VWA3B: variants seen among roughly 807,000 people sequenced by gnomAD.
VWA3B encodes the protein von Willebrand factor A domain-containing protein 3B.
Under a neutral mutation model 158.3 loss-of-function variants are expected in VWA3B, and 138 were observed. That is an observed-to-expected ratio of 0.87 (90% confidence interval 0.76 to 1.00). The LOEUF is 1.00. VWA3B is among the 50% of genes least tolerant of loss of function. The pLI, the probability that VWA3B is intolerant of heterozygous loss-of-function variation, is 0.00. For synonymous variants in VWA3B, 596 were observed against 587.3 expected (o/e 1.01, Z -0.21); for missense variants, 1,555 against 1,565.1 (o/e 0.99, Z 0.11).
intron 2 of VWA3B, among the ~76,000 whole-genome samples, chr2:98,094,307 C>G (rs1489761986): frequency 1.3e-5 from 2 of 152,006 alleles, no homozygotes; most frequent in African/African-American, 2.4e-5. Context: ...CAACACTTAT[C>G]TTTTTGATAT....
intron 2 of VWA3B, among the ~76,000 whole-genome samples, chr2:98,114,544 GAGGAGGCTGTTAT>G (rs1328029104): frequency 6.6e-6 from 1 of 152,210 alleles, no homozygotes; most frequent in Non-Finnish European, 1.5e-5. Context: ...TAGCTCTCCA[GAGGAGGCTGTTAT>G]CCTGCCTTCC....
intron 19 of VWA3B, among the ~76,000 whole-genome samples, chr2:98,241,096 C>T (rs1686046002): frequency 6.6e-6 from 1 of 151,992 alleles, no homozygotes; most frequent in African/African-American, 2.4e-5. Context: ...AGGAGATGTC[C>T]CTCACCTGGC....
intron 21 of VWA3B, among the ~76,000 whole-genome samples, chr2:98,259,393 G>A (rs974330052): frequency 7.9e-5 from 12 of 151,496 alleles, no homozygotes; most frequent in African/African-American, 2.4e-4. Context: ...TCCCTTTGTT[G>A]GGGGATTTTT....
chr2:98,176,679 A>G (rs531162855), intron 8 of VWA3B, among the ~76,000 whole-genome samples: 31 of 152,292 alleles, frequency 2.0e-4, no homozygotes, highest in South Asian at 4.1e-4. Context: ...AAAATGTTCT[A>G]TGCAGAAAGA....
chr2:98,250,570 G>C, intron 20 of VWA3B, 134 bp downstream of exon 20: 1 of 703,406 alleles, frequency 1.4e-6, no homozygotes, highest in Non-Finnish European at 2.3e-6. Context: ...GGCTGGGTGT[G>C]GTAGTTCATG....
intron 12 of VWA3B, among the ~76,000 whole-genome samples, chr2:98,196,467 C>T (rs1422000947): frequency 6.6e-6 from 1 of 152,076 alleles, no homozygotes; most frequent in East Asian, 1.9e-4. Flanking sequence ...CTGATTTGGT[C>T]CAGTAGTCAA....
At chr2:98,300,316 T>G in intron 25 of VWA3B, 100 bp downstream of exon 25, 4 of 1,498,160 alleles carry the variant, frequency 2.7e-6, no homozygotes, top group Non-Finnish European at 3.6e-6. Flanking sequence ...CCTGGCTGCA[T>G]CTGCTGCCCT....
downstream of VWA3B, among the ~76,000 whole-genome samples, chr2:98,313,746 C>T (rs1477619735): frequency 6.6e-6 from 1 of 152,202 alleles, no homozygotes; most frequent in Non-Finnish European, 1.5e-5. Flanking sequence ...TCTCCACTTT[C>T]TCATTGGAAC....
In VWA3B at chr2:98,298,049, T is replaced by G. The variant is rs762837906; in HGVS notation, c.3282+18T>G. ...TGCTCCAGGTACCCAGTCCCTGATG[T>G]GTTCTGGGGCCCCTTTTCACCATCC... On this transcript the variant is annotated intron_variant, in intron 24 of 27. Transcript: ENST00000477737. 1 of 1,493,588 alleles carries G rather than the reference T, an allele frequency of 6.7e-7. No individual in the cohort carries two copies. Among genetic ancestry groups the G allele is most frequent in the Middle Eastern group, 2.0e-4 (1 of 5,056 alleles). 92.5% of individuals were successfully genotyped at this position (1,493,588 alleles called of 1,614,324 possible). A position where few individuals can be genotyped will look rare whatever the true frequency, so the allele number is the denominator to read the frequency against.
rs187622442 is a variant in VWA3B at position 98,279,109 on chromosome 2, C to A, written c.3045+8226C>A. Among the ~76,000 whole-genome samples the A allele has an allele frequency of 7.9e-3, 1,195 of 152,228 alleles. 15 individuals carry two copies. Among genetic ancestry groups the A allele is most frequent in the African/African-American group, 0.027 (1,129 of 41,524 alleles). On this transcript the variant is annotated intron_variant, in intron 22 of 27. Coordinates refer to ENST00000477737, the MANE Select transcript of VWA3B (RefSeq NM_144992.5). Reference sequence around the variant, plus strand: ...AGAGGATGACAAAGAGAAAATGAAGCCCTTCATTACTGTGCCACGTTTATC... The same window carrying A: ...AGAGGATGACAAAGAGAAAATGAAGACCTTCATTACTGTGCCACGTTTATC...
At chr2:98,263,735 A>G (rs767069675) in intron 21 of VWA3B, among the ~76,000 whole-genome samples, 1 of 152,010 alleles carries the variant, frequency 6.6e-6, no homozygotes, top group Non-Finnish European at 1.5e-5. Flanking sequence ...TTATGATATC[A>G]GCGTAATTTC....
At chr2:98,301,374 C>G (rs1690180678) in intron 25 of VWA3B, among the ~76,000 whole-genome samples, 2 of 151,794 alleles carry the variant, frequency 1.3e-5, no homozygotes, top group South Asian at 4.2e-4. Flanking sequence ...GTTGTCTGAC[C>G]TGAGCAGGTT....
rs368619528 is a variant in VWA3B, at chr2:98,311,671, A to G, written c.3522-148A>G. The G allele has an allele frequency of 1.3e-5, 12 of 949,324 alleles. No homozygotes were observed. The African/African-American group carries it at 1.7e-4, about 13-fold the overall frequency. 58.8% of individuals were successfully genotyped at this position (949,324 alleles called of 1,614,324 possible). A position where few individuals can be genotyped will look rare whatever the true frequency, so the allele number is the denominator to read the frequency against. On this transcript the variant is annotated intron_variant, in intron 26 of 27. Coordinates refer to ENST00000477737, the MANE Select transcript of VWA3B (RefSeq NM_144992.5). Reference sequence around the variant, plus strand: ...AGTGGACCTAAGCCCAGCCTAAAGCATTGGGTTCACAGCGCTCCAGAGACT... The same window carrying G: ...AGTGGACCTAAGCCCAGCCTAAAGCGTTGGGTTCACAGCGCTCCAGAGACT...
intron 22 of VWA3B, among the ~76,000 whole-genome samples, chr2:98,285,423 T>A (rs1689111335): frequency 6.6e-6 from 1 of 152,170 alleles, no homozygotes. Flanking sequence ...TTTATAGTTA[T>A]AAATTTTCAT....
chr2:98,234,518 C>A, intron 16 of VWA3B, 130 bp from the exon 17 acceptor site: 2 of 1,354,144 alleles, frequency 1.5e-6, no homozygotes, highest in Non-Finnish European at 2.0e-6. Flanking sequence ...TTTGTGGCAG[C>A]ACCATCCTCA....
intron 22 of VWA3B, among the ~76,000 whole-genome samples, chr2:98,277,592 A>G (rs1251338819): frequency 6.6e-6 from 1 of 152,132 alleles, no homozygotes; most frequent in Non-Finnish European, 1.5e-5. Flanking sequence ...TACCCACACC[A>G]CTGGCTGCAC....
chr2:98,256,373 C>T (rs184113485), intron 21 of VWA3B, among the ~76,000 whole-genome samples, 199 bp downstream of exon 21: 1 of 152,262 alleles, frequency 6.6e-6, no homozygotes, highest in Admixed American at 6.5e-5. Context: ...ACTCCCCATT[C>T]CTGTCTCCCC....
At chr2:98,129,269 G>GGAGGAGAGA (rs574179990) in intron 6 of VWA3B, among the ~76,000 whole-genome samples, 3 of 146,164 alleles carry the variant, frequency 2.1e-5, no homozygotes, top group Non-Finnish European at 4.5e-5. Context: ...GGAGAGAGAG[G>GGAGGAGAGA]GAGGAGAGAG....
At chr2:98,291,217 G>A (rs1170830379) in intron 23 of VWA3B, 1 of 153,394 alleles carries the variant, frequency 6.5e-6, no homozygotes, top group Non-Finnish European at 1.4e-5. Flanking sequence ...CGGTGCCCAG[G>A]CCTCAGGGTG....
Sources: gnomAD v4.1 joint callset for allele counts (sites outside exome capture counted in the v4.1 genomes callset) on GRCh38, gnomAD v4.1.1 for gene constraint, MANE v1.5 for transcripts, NCBI Gene and HGNC (gene_info 2026-07-23, HGNC 2026-07-21) for gene names.